CEP112: variants seen among roughly 807,000 people sequenced by gnomAD.
The protein encoded by CEP112 is centrosomal protein of 112 kDa.
A neutral mutation model predicts 153.0 loss-of-function variants in CEP112; 127 were observed. The observed-to-expected ratio is 0.83, with a 90% CI of 0.72 to 0.96. CEP112 has a LOEUF of 0.96. Ranked by LOEUF, CEP112 falls within the 40% of genes least tolerant of loss-of-function variation. The pLI is 0.00. For missense variants in CEP112, 1,089 were observed against 1,101.2 expected (o/e 0.99, Z 0.16); for synonymous variants, 358 against 374.4 (o/e 0.96, Z 0.51).
At chr17:66,185,724 G>A (rs752151515) in intron 1 of CEP112, among the ~76,000 whole-genome samples, 9 of 152,058 alleles carry the variant, frequency 5.9e-5, no homozygotes, top group African/African-American at 9.7e-5. Context: ...AGGGATGTGC[G>A]CTACCTTTAC....
At chr17:65,735,348 C>T (rs998517770) in intron 23 of CEP112, among the ~76,000 whole-genome samples, 5 of 152,110 alleles carry the variant, frequency 3.3e-5, no homozygotes, top group Non-Finnish European at 7.4e-5. Flanking sequence ...CATACAGACA[C>T]AGAACTACTT....
intron 21 of CEP112, among the ~76,000 whole-genome samples, chr17:65,791,911 G>A (rs893456932): frequency 4.6e-5 from 7 of 152,036 alleles, no homozygotes; most frequent in Non-Finnish European, 8.8e-5. Flanking sequence ...CACTGAGTCC[G>A]CAACTCTCAG....
chr17:65,992,938 ATTTTTAC>A (rs148215018), intron 17 of CEP112, among the ~76,000 whole-genome samples: 88,104 of 151,104 alleles, frequency 0.58, 26,989 homozygotes, highest in African/African-American at 0.72. Context: ...TTTGTTTTTT[ATTTTTAC>A]TTTTAAGTTC....
At chr17:66,183,101 G>T in intron 2 of CEP112, 93 bp downstream of exon 2, 1 of 860,554 alleles carries the variant, frequency 1.2e-6, no homozygotes, top group Non-Finnish European at 1.7e-6. Context: ...GAGAAATTCA[G>T]TTTTTCTTCC....
At chr17:65,948,046 T>G (rs1241541265) in intron 18 of CEP112, among the ~76,000 whole-genome samples, 1 of 152,194 alleles carries the variant, frequency 6.6e-6, no homozygotes, top group African/African-American at 2.4e-5. Context: ...CATATCCAGA[T>G]AGTGTTCTTG....
intron 6 of CEP112, among the ~76,000 whole-genome samples, chr17:66,127,473 A>G (rs1412087042): frequency 6.6e-6 from 1 of 151,628 alleles, no homozygotes; most frequent in African/African-American, 2.4e-5. Flanking sequence ...TTGATTTATT[A>G]TCCTCCTCTC....
intron 18 of CEP112, among the ~76,000 whole-genome samples, chr17:65,937,540 G>A (rs2061364689): frequency 1.7e-5 from 2 of 119,728 alleles, no homozygotes; most frequent in Admixed American, 9.5e-5. Flanking sequence ...CCTCTGCCCG[G>A]CCAGCCGCCC....
intron 24 of CEP112, among the ~76,000 whole-genome samples, chr17:65,642,764 T>A (rs988718129): frequency 2.0e-5 from 3 of 152,250 alleles, no homozygotes; most frequent in African/African-American, 7.2e-5. Flanking sequence ...ACGCATGCTT[T>A]ATAAACCAGA....
chr17:65,735,044 C>A (rs1223019435), intron 23 of CEP112, among the ~76,000 whole-genome samples: 2 of 152,088 alleles, frequency 1.3e-5, no homozygotes, highest in Non-Finnish European at 2.9e-5. Flanking sequence ...CTCTTCCTTC[C>A]CCTTTCTTCC....
At chr17:65,820,180 C>G (rs35098727) in intron 21 of CEP112, among the ~76,000 whole-genome samples, 5 of 151,856 alleles carry the variant, frequency 3.3e-5, no homozygotes, top group Admixed American at 1.3e-4. Context: ...GACATTCTTC[C>G]GATTTTTCCT....
At position 66,176,910 on chromosome 17, in the gene CEP112, T is replaced by C. The variant is rs1568581760; in HGVS notation, c.217A>G (p.Met73Val). Residue 73 changes from methionine (M) to valine (V), a missense_variant, in exon 3 of 27, where the codon ATG (methionine) becomes GTG (valine). By Grantham distance (21) the Met-to-Val change is conservative (BLOSUM62 1). Transcript: ENST00000535342. ...CCTTCAAGCGCACCTCGTTTAAGCA[T>C]ATGCAATAACAATTTTGCATACAGG... ...RNLYAKLLLH[M>V]LKRGALEGPF... 2 of 1,614,008 alleles carry C rather than the reference T, an allele frequency of 1.2e-6. No individual in the cohort carries two copies. The highest frequency in any genetic ancestry group is 1.7e-6 in the Non-Finnish European group (2 of 1,179,924).
intron 10 of CEP112, among the ~76,000 whole-genome samples, chr17:66,066,437 C>G (rs1211673603): frequency 6.6e-6 from 1 of 152,094 alleles, no homozygotes; most frequent in African/African-American, 2.4e-5. Flanking sequence ...AATTCTATGA[C>G]TGCCCTCAAT....
chr17:66,104,572 A>G (rs1396528677), intron 6 of CEP112, among the ~76,000 whole-genome samples: 2 of 152,132 alleles, frequency 1.3e-5, no homozygotes, highest in Non-Finnish European at 2.9e-5. Flanking sequence ...TAGGGGAAGA[A>G]ATCCCCTCAG....
At chr17:65,881,204 G>C (rs1038670797) in intron 20 of CEP112, among the ~76,000 whole-genome samples, 1 of 152,140 alleles carries the variant, frequency 6.6e-6, no homozygotes, top group African/African-American at 2.4e-5. Context: ...GCGACAGAGA[G>C]AGACTCTGTC....
rs1446853518 is a variant in CEP112, at chr17:66,005,732, T to A, written c.1694A>T (p.Glu565Val). Reference protein sequence around the residue: ...DLQSELDKGKEDTQKKIHKFE... With the variant: ...DLQSELDKGKVDTQKKIHKFE... ...TTTATGAATTTTCTTTTGAGTATCT[T>A]CTTTTCCTTTATCAAGTTCACTCTG... The change falls in exon 17 of 27, where the codon GAA becomes GTA. Residue 565 changes from glutamate (E) to valine (V), a missense_variant. Glu to Val is a moderately radical substitution (Grantham distance 121). Transcript: ENST00000535342. 1 of 1,609,954 alleles carries A rather than the reference T, an allele frequency of 6.2e-7. No homozygotes were observed.
intron 24 of CEP112, among the ~76,000 whole-genome samples, chr17:65,669,024 AG>A (rs1238803847): frequency 5.9e-5 from 9 of 152,316 alleles, no homozygotes; most frequent in African/African-American, 2.2e-4. Context: ...TGCATTAGAA[AG>A]CCTCTGATTG....
intron 6 of CEP112, among the ~76,000 whole-genome samples, chr17:66,120,915 C>T (rs2069549880): frequency 6.6e-6 from 1 of 152,098 alleles, no homozygotes. Flanking sequence ...TGTTCTTTCG[C>T]CAGTTTCTTT....
intron 21 of CEP112, among the ~76,000 whole-genome samples, chr17:65,792,400 A>G (rs539297773): frequency 6.6e-6 from 1 of 152,256 alleles, no homozygotes; most frequent in Admixed American, 6.5e-5. Context: ...AATGAAGGAG[A>G]TTTTTATTCC....
intron 17 of CEP112, among the ~76,000 whole-genome samples, chr17:65,994,315 C>T (rs1331730854): frequency 6.6e-6 from 1 of 152,136 alleles, no homozygotes; most frequent in Non-Finnish European, 1.5e-5. Flanking sequence ...GACCTCAAAA[C>T]ATCATTTGGC....
Sources: allele counts gnomAD v4.1 joint callset (sites outside exome capture counted in the v4.1 genomes callset), GRCh38; gene constraint gnomAD v4.1.1; transcripts MANE v1.5; gene names NCBI Gene and HGNC (gene_info 2026-07-23, HGNC 2026-07-21).